ZMIZ1: variants seen among roughly 807,000 people sequenced by gnomAD.
ZMIZ1 encodes the protein zinc finger MIZ domain-containing protein 1.
In ZMIZ1, 17 loss-of-function variants were observed where a neutral mutation model predicts 113.9. The ratio of observed to expected loss-of-function variants is 0.15; its 90% CI spans 0.10 to 0.22. The LOEUF (loss-of-function observed/expected upper bound fraction) is 0.22. Ranked by LOEUF, ZMIZ1 falls within the 10% of genes least tolerant of loss-of-function variation. The pLI is 1.00. For synonymous variants in ZMIZ1, 607 were observed against 603.1 expected, an observed-to-expected ratio of 1.01 and a Z score of -0.09; for missense variants, 1,059 against 1,477.8, an observed-to-expected ratio of 0.72 and a Z score of 4.65.
intron 24 of ZMIZ1, 94 bp downstream of exon 24, chr10:79,311,278 G>A (rs976065323): frequency 7.0e-5 from 38 of 544,612 alleles, no homozygotes; most frequent in South Asian, 1.2e-4. Flanking sequence ...TCGAGGCCCC[G>A]AAGGGAGGAG....
intron 8 of ZMIZ1, among the ~76,000 whole-genome samples, chr10:79,281,067 C>T (rs1852710207): frequency 6.6e-6 from 1 of 152,202 alleles, no homozygotes; most frequent in Non-Finnish European, 1.5e-5. Flanking sequence ...GGCCAGAGCC[C>T]TGCAGCTCCC....
intron 17 of ZMIZ1, among the ~76,000 whole-genome samples, chr10:79,301,372 G>A (rs765188577): frequency 3.3e-5 from 5 of 151,840 alleles, no homozygotes; most frequent in East Asian, 1.9e-4. Context: ...TGGAGTTAAC[G>A]CGTTCCCTTC....
intron 7 of ZMIZ1, among the ~76,000 whole-genome samples, chr10:79,265,240 C>T (rs1851525284): frequency 6.6e-6 from 1 of 152,086 alleles, no homozygotes; most frequent in Non-Finnish European, 1.5e-5. Context: ...CAGACTGGAC[C>T]ACAGGACCTG....
chr10:79,223,361 G>T, intron 7 of ZMIZ1, among the ~76,000 whole-genome samples: 1 of 152,312 alleles, frequency 6.6e-6, no homozygotes, highest in East Asian at 1.9e-4. Context: ...GCAGGCTGGG[G>T]CACCTTTTCA....
At chr10:79,176,051 G>A (rs1207371636) in intron 4 of ZMIZ1, among the ~76,000 whole-genome samples, 2 of 151,984 alleles carry the variant, frequency 1.3e-5, no homozygotes, top group East Asian at 1.9e-4. Flanking sequence ...AGAAACCAGG[G>A]CACAGGGAGG....
At chr10:79,247,961 G>A (rs1429926023) in intron 7 of ZMIZ1, among the ~76,000 whole-genome samples, 3 of 152,192 alleles carry the variant, frequency 2.0e-5, no homozygotes, top group African/African-American at 7.2e-5. Flanking sequence ...TCTCATCTCT[G>A]CCTCATCTTT....
intron 8 of ZMIZ1, 146 bp from the exon 9 acceptor site, chr10:79,289,629 C>A (rs1853328721): frequency 1.5e-6 from 1 of 668,764 alleles, no homozygotes; most frequent in Non-Finnish European, 2.6e-6. Flanking sequence ...GGCACTGAGA[C>A]AGGCCTGGGG....
At chr10:79,084,787 G>A (rs1842758459) in intron 1 of ZMIZ1, among the ~76,000 whole-genome samples, 1 of 151,934 alleles carries the variant, frequency 6.6e-6, no homozygotes, top group Non-Finnish European at 1.5e-5. Flanking sequence ...GTCAGCGGCT[G>A]GGCTGGCCGT....
chr10:79,290,627 C>A (rs1431990180), intron 9 of ZMIZ1: 26 of 498,790 alleles, frequency 5.2e-5, no homozygotes, highest in Admixed American at 9.5e-5. Context: ...GGGCTCTCCC[C>A]ACGGGTACCT....
At chr10:79,167,006 G>A (rs749608) in intron 4 of ZMIZ1, among the ~76,000 whole-genome samples, 6,963 of 152,286 alleles carry the variant, frequency 0.046, 472 homozygotes, top group African/African-American at 0.15. Context: ...CGGCTCCACC[G>A]TGCTGCCCCC....
intron 1 of ZMIZ1, among the ~76,000 whole-genome samples, chr10:79,074,547 T>C (rs1842407239): frequency 6.6e-6 from 1 of 152,244 alleles, no homozygotes; most frequent in Non-Finnish European, 1.5e-5. Flanking sequence ...CTTCATGCCC[T>C]TCTCCGGCTC....
chr10:79,207,482 G>T (rs1424869402), intron 5 of ZMIZ1, among the ~76,000 whole-genome samples: 2 of 152,172 alleles, frequency 1.3e-5, no homozygotes, highest in Non-Finnish European at 2.9e-5. Context: ...GTGAAGGGGG[G>T]CATGGGAACC....
At chr10:79,119,412 ACTT>A (rs1229882903) in intron 2 of ZMIZ1, among the ~76,000 whole-genome samples, 1 of 152,208 alleles carries the variant, frequency 6.6e-6, no homozygotes, top group Non-Finnish European at 1.5e-5. Flanking sequence ...TAGAGTTATT[ACTT>A]CTTTCAGCAT....
chr10:79,179,712 C>T (rs1265698354), intron 4 of ZMIZ1, among the ~76,000 whole-genome samples: 2 of 152,278 alleles, frequency 1.3e-5, no homozygotes, highest in Non-Finnish European at 2.9e-5. Flanking sequence ...CTCTGCCCTG[C>T]TCCACACTCT....
At chr10:79,223,215 C>T (rs1447569714) in intron 7 of ZMIZ1, among the ~76,000 whole-genome samples, 1 of 152,250 alleles carries the variant, frequency 6.6e-6, no homozygotes, top group Non-Finnish European at 1.5e-5. Flanking sequence ...CGCAGCTCTG[C>T]GTGAAAAACA....
At chr10:79,099,550 G>C (rs1843284945) in intron 1 of ZMIZ1, among the ~76,000 whole-genome samples, 1 of 152,222 alleles carries the variant, frequency 6.6e-6, no homozygotes, top group African/African-American at 2.4e-5. Context: ...GGAACAGGGA[G>C]CGGTGGCCTC....
chr10:79,254,817 G>A (rs899927210), intron 7 of ZMIZ1, among the ~76,000 whole-genome samples: 1 of 152,204 alleles, frequency 6.6e-6, no homozygotes, highest in Non-Finnish European at 1.5e-5. Flanking sequence ...CCTCGGCCTT[G>A]TTGGCTTTCA....
At chr10:79,108,534 G>C (rs7073163) in intron 1 of ZMIZ1, among the ~76,000 whole-genome samples, 56,890 of 151,886 alleles carry the variant, frequency 0.37, 11,480 homozygotes, top group Non-Finnish European at 0.45. Flanking sequence ...AAGAAAGGTG[G>C]GATGGGGAAG....
chr10:79,217,194 C>A (rs893540490), intron 7 of ZMIZ1, among the ~76,000 whole-genome samples: 1 of 152,132 alleles, frequency 6.6e-6, no homozygotes, highest in African/African-American at 2.4e-5. Flanking sequence ...GAGGCCGAGG[C>A]GAGCAGATCA....
Sources: gnomAD v4.1 joint callset for allele counts (sites outside exome capture counted in the v4.1 genomes callset) on GRCh38, gnomAD v4.1.1 for gene constraint, MANE v1.5 for transcripts, NCBI Gene and HGNC (gene_info 2026-07-23, HGNC 2026-07-21) for gene names.